Variants in COL4A4 observed in about 807,000 individuals in gnomAD.
COL4A4 encodes the protein collagen alpha-4(IV) chain.
In COL4A4, 105 loss-of-function variants were observed where a neutral mutation model predicts 192.9. The observed-to-expected ratio is 0.54, with a 90% CI of 0.46 to 0.64. The LOEUF is 0.64. Among genes scored for constraint, COL4A4 ranks in the 30% least tolerant of loss-of-function variants. COL4A4 has a pLI of 0.00. For synonymous variants in COL4A4, 762 were observed against 769.9 expected, an observed-to-expected ratio of 0.99 and a Z score of 0.17; for missense variants, 1,967 against 2,169.3, an observed-to-expected ratio of 0.91 and a Z score of 1.85.
rs2059358959 is a variant in COL4A4 at position 227,082,134 on chromosome 2, C to T, written c.1677G>A (p.Met559Ile). Residue 559 changes from methionine to isoleucine, a missense_variant, in exon 23 of 48, where the codon ATG (methionine) becomes ATA (isoleucine). Transcript: ENST00000396625. ...GCTCACCTTTAACTCTTGATACAAC[C>T]ATGTCACCCTTCGCCCCTTTGTTGC... ...PPGNKGAKGD[M>I]VVSRVKGHKG... 1 of 1,614,036 alleles carries T rather than the reference C, an allele frequency of 6.2e-7. No homozygotes were observed. The highest frequency in any genetic ancestry group is 1.3e-5 in the African/African-American group (1 of 74,930).
chr2:227,047,895 T>C (rs1483209518), intron 34 of COL4A4, among the ~76,000 whole-genome samples: 1 of 152,174 alleles, frequency 6.6e-6, no homozygotes, highest in Non-Finnish European at 1.5e-5. Context: ...TATCCTTATG[T>C]TTTAGAAACC....
At chr2:227,090,450 T>TA (rs907516096) in intron 20 of COL4A4, among the ~76,000 whole-genome samples, 20 of 151,938 alleles carry the variant, frequency 1.3e-4, no homozygotes, top group African/African-American at 3.6e-4. Flanking sequence ...AAGAATATTA[T>TA]AAAAAAAGCA....
chr2:226,974,739 G>C, the COL4A4 span, among the ~76,000 whole-genome samples: 1 of 152,202 alleles, frequency 6.6e-6, no homozygotes, highest in South Asian at 2.1e-4. Flanking sequence ...GCACCCAAGA[G>C]CAGGGTGGAT....
rs115531647 is a variant in COL4A4, at chr2:227,011,078, T to G, written c.4334-577A>C. Among the ~76,000 whole-genome samples the G allele has an allele frequency of 6.2e-3, 948 of 152,314 alleles. 7 individuals carry two copies. Among genetic ancestry groups the G allele is most frequent in the African/African-American group, 0.021 (884 of 41,570 alleles). On this transcript the variant is annotated intron_variant, in intron 45 of 47. Coordinates refer to ENST00000396625, the MANE Select transcript of COL4A4 (RefSeq NM_000092.5). ...AGAGGGAAATGGAAGGAAGGCCTTG[T>G]TCTAGCATTCTTGTTGGCAGATGGG...
chr2:227,111,088 A>G (rs190957495), intron 9 of COL4A4, among the ~76,000 whole-genome samples: 1 of 152,228 alleles, frequency 6.6e-6, no homozygotes, highest in Non-Finnish European at 1.5e-5. Flanking sequence ...ACAGAAAACA[A>G]AATTATAAGT....
chr2:227,144,394 T>C, intron 3 of COL4A4, 122 bp downstream of exon 3: 2 of 807,948 alleles, frequency 2.5e-6, no homozygotes, highest in East Asian at 2.5e-5. Context: ...TTAGTCCTAT[T>C]CTCCATTTTA....
chr2:227,080,071 T>C (rs2150499897), intron 24 of COL4A4, among the ~76,000 whole-genome samples: 1 of 152,278 alleles, frequency 6.6e-6, no homozygotes, highest in Admixed American at 6.5e-5. Flanking sequence ...GGAAACAGAA[T>C]TGATGCTAAA....
intron 17 of COL4A4, among the ~76,000 whole-genome samples, chr2:227,101,033 C>T (rs1018191289): frequency 9.2e-5 from 14 of 152,172 alleles, no homozygotes; most frequent in Non-Finnish European, 1.9e-4. Flanking sequence ...TGGTCTCGAT[C>T]TCCTGACCTC....
rs577962550 is a variant in COL4A4, at chr2:227,097,430, T to C, written c.1204+1264A>G. Among the ~76,000 whole-genome samples, 54 of 152,338 alleles carry C rather than the reference T, an allele frequency of 3.5e-4. No homozygotes were observed. In the South Asian group the frequency reaches 0.011, roughly 30 times the overall value. ...TAAATGTATATGTTTTTCATATAAA[T>C]GTAAAATCAAATGCATTTCTTACTA... On this transcript the variant is annotated intron_variant, in intron 19 of 47. Coordinates refer to ENST00000396625, the MANE Select transcript of COL4A4 (RefSeq NM_000092.5).
chr2:226,984,206 A>G, the COL4A4 span, among the ~76,000 whole-genome samples: 19 of 152,240 alleles, frequency 1.2e-4, no homozygotes, highest in Non-Finnish European at 2.5e-4. Context: ...CAAGCTGCCA[A>G]CTTCAAAGAT....
chr2:227,088,135 T>C (rs1057308466), intron 22 of COL4A4, among the ~76,000 whole-genome samples: 6 of 152,186 alleles, frequency 3.9e-5, no homozygotes, highest in Non-Finnish European at 7.3e-5. Flanking sequence ...GATGAGTAAA[T>C]AAACTGTTTT....
chr2:226,970,914 G>GC, the COL4A4 span, among the ~76,000 whole-genome samples: 2 of 152,108 alleles, frequency 1.3e-5, no homozygotes, highest in African/African-American at 2.4e-5. Context: ...TGAAAGCCCT[G>GC]CCCCACATCA....
intron 37 of COL4A4, among the ~76,000 whole-genome samples, chr2:227,034,567 ATTAAT>A (rs752553253): frequency 6.0e-4 from 88 of 146,678 alleles, no homozygotes; most frequent in Non-Finnish European, 8.3e-4. Context: ...TAATTAATTA[ATTAAT>A]TTATTTATTA....
At chr2:227,075,304 G>A (rs981667028) in intron 25 of COL4A4, among the ~76,000 whole-genome samples, 9 of 151,666 alleles carry the variant, frequency 5.9e-5, no homozygotes, top group East Asian at 1.9e-4. Context: ...TATCCACCAC[G>A]ATCAAGTCTG....
chr2:227,024,706 C>G (rs187924351), intron 43 of COL4A4, among the ~76,000 whole-genome samples: 1 of 152,280 alleles, frequency 6.6e-6, no homozygotes, highest in Admixed American at 6.5e-5. Context: ...GAATTTAACT[C>G]TGTGTAAAAT....
chr2:227,120,196 G>A (rs547544210), intron 5 of COL4A4, among the ~76,000 whole-genome samples: 4 of 152,178 alleles, frequency 2.6e-5, no homozygotes, highest in Admixed American at 6.5e-5. Context: ...CTAACACTCC[G>A]AATCTCGATC....
At chr2:227,000,943 C>T (rs932156548), downstream of COL4A4, among the ~76,000 whole-genome samples, 1 of 152,124 alleles carries the variant, frequency 6.6e-6, no homozygotes, top group African/African-American at 2.4e-5. Flanking sequence ...CTTTCACCTT[C>T]GCCATGATTG....
Position 227,041,844 on chromosome 2 carries a change from GAAAGAGAA to G in COL4A4, c.3505+296_3505+303del, listed in dbSNP as rs1231673004. Among the ~76,000 whole-genome samples the G allele has an allele frequency of 3.5e-3, 255 of 73,576 alleles. 1 individual carries two copies. Among genetic ancestry groups the G allele is most frequent in the African/African-American group, 4.6e-3 (61 of 13,168 alleles). 48.3% of individuals were successfully genotyped at this position (73,576 alleles called of 152,430 possible). On this transcript the variant is annotated intron_variant, in intron 37 of 47. Coordinates refer to ENST00000396625, the MANE Select transcript of COL4A4 (RefSeq NM_000092.5). ...AGAAAGAAAGAAAGAAAGAAAGAAAGAAAGAGAAAGAAAGAAAGAAAGAAAGAAAGAAA... is the reference window on the plus strand; with the variant it reads ...AGAAAGAAAGAAAGAAAGAAAGAAAGAGAAAGAAAGAAAGAAAGAAAGAAA...
chr2:227,068,443 G>GC (rs2058491444), intron 25 of COL4A4, among the ~76,000 whole-genome samples: 1 of 152,196 alleles, frequency 6.6e-6, no homozygotes, highest in African/African-American at 2.4e-5. Flanking sequence ...CAATATCCTT[G>GC]ATGAACATTG....
Sources: allele counts gnomAD v4.1 joint callset (sites outside exome capture counted in the v4.1 genomes callset), GRCh38; gene constraint gnomAD v4.1.1; transcripts MANE v1.5; gene names NCBI Gene and HGNC (gene_info 2026-07-23, HGNC 2026-07-21).